CSF2RA: variants seen among roughly 807,000 people sequenced by gnomAD.
CSF2RA encodes granulocyte-macrophage colony-stimulating factor receptor subunit alpha.
Under a neutral mutation model 51.6 loss-of-function variants are expected in CSF2RA, and 42 were observed. The observed-to-expected ratio is 0.81, with a 90% confidence interval of 0.64 to 1.05. CSF2RA has a LOEUF of 1.05. Among genes scored for constraint, CSF2RA ranks in the 50% least tolerant of loss-of-function variants. CSF2RA has a pLI of 0.00. For synonymous variants in CSF2RA, 222 were observed against 193.0 expected (o/e 1.15, Z -1.24); for missense variants, 530 against 501.1 (o/e 1.06, Z -0.55).
In CSF2RA at chrX:1,305,509, C is replaced by A. The variant is rs2083467700; in HGVS notation, c.1107C>A (p.Asn369Lys). 3 of 1,613,896 alleles carry A rather than the reference C, an allele frequency of 1.9e-6. No individual in the cohort carries two copies. Among genetic ancestry groups the A allele is most frequent in the Middle Eastern group, 1.7e-4 (1 of 6,056 alleles). ...AGATCAAAGACAAACTGAATGATAA[C>A]CATGAGGTGGAAGACGAGGTAGGCA... The part of the protein sequence containing the change: ...VPQIKDKLND[N>K]HEVEDEIIWE... Residue 369 changes from asparagine to lysine, a missense_variant, in exon 12 of 13, where the codon AAC (asparagine) becomes AAA (lysine). Coordinates refer to ENST00000381529, the MANE Select transcript of CSF2RA (RefSeq NM_172245.4).
chrX:1,285,375 C>T (rs1229878492), intron 3 of CSF2RA, among the ~76,000 whole-genome samples: 1 of 152,020 alleles, frequency 6.6e-6, no homozygotes, highest in Non-Finnish European at 1.5e-5. Flanking sequence ...CTGAACTTCA[C>T]CTCCCAGAGC....
At chrX:1,299,857 G>A (rs1174942997) in intron 9 of CSF2RA, among the ~76,000 whole-genome samples, 36 of 152,092 alleles carry the variant, frequency 2.4e-4, no homozygotes, top group Admixed American at 9.8e-4. Flanking sequence ...AGCGGAGGTT[G>A]CGGTGAGCCC....
chrX:1,314,328 C>T (rs1210303409), downstream of CSF2RA, among the ~76,000 whole-genome samples: 71 of 134,266 alleles, frequency 5.3e-4, no homozygotes, highest in Middle Eastern at 3.9e-3. Flanking sequence ...CACACTGCAC[C>T]TGCCCAACCC....
chrX:1,313,146 C>T (rs1229050850), downstream of CSF2RA, among the ~76,000 whole-genome samples: 11 of 152,030 alleles, frequency 7.2e-5, no homozygotes, highest in East Asian at 3.9e-4. Context: ...CAGCAGAGGC[C>T]GGGCGTGGTA....
chrX:1,301,849 G>A (rs1238268704), intron 10 of CSF2RA, among the ~76,000 whole-genome samples: 22 of 146,754 alleles, frequency 1.5e-4, no homozygotes, highest in African/African-American at 4.8e-4. Flanking sequence ...CTCGTGATCC[G>A]CCCACCTCGG....
the CSF2RA span, among the ~76,000 whole-genome samples, chrX:1,317,568 A>AT: frequency 8.2e-3 from 863 of 105,252 alleles, 10 homozygotes; most frequent in Non-Finnish European, 0.012. Context: ...TTTTTATTTT[A>AT]TTTTATTTTT....
downstream of CSF2RA, among the ~76,000 whole-genome samples, chrX:1,313,687 G>A (rs1320103009): frequency 6.6e-6 from 1 of 151,884 alleles, no homozygotes; most frequent in Non-Finnish European, 1.5e-5. Context: ...ACTCCAATCT[G>A]GGTGACAGAG....
At chrX:1,301,946 C>A (rs1480405450) in intron 10 of CSF2RA, among the ~76,000 whole-genome samples, 1 of 127,552 alleles carries the variant, frequency 7.8e-6, no homozygotes, top group Non-Finnish European at 1.6e-5. Context: ...GATGGCGTTT[C>A]GCTCTTGTTG....
At chrX:1,275,848 ACGC>A (rs2089122625) in intron 2 of CSF2RA, among the ~76,000 whole-genome samples, 2 of 151,908 alleles carry the variant, frequency 1.3e-5, no homozygotes, top group Admixed American at 1.3e-4. Flanking sequence ...ACCCGCCACC[ACGC>A]CCGGCCAATT....
intron 1 of CSF2RA, among the ~76,000 whole-genome samples, chrX:1,269,679 G>A (rs1269962952): frequency 6.6e-6 from 1 of 151,792 alleles, no homozygotes; most frequent in Non-Finnish European, 1.5e-5. Context: ...GAGCTGAAAG[G>A]GGGAGGGAGT....
chrX:1,289,398 G>A (rs1306173817), intron 6 of CSF2RA, among the ~76,000 whole-genome samples: 2 of 152,174 alleles, frequency 1.3e-5, no homozygotes, highest in African/African-American at 2.4e-5. Flanking sequence ...CAAAGTGCTG[G>A]GATTACAGGC....
At chrX:1,297,635 A>G (rs1201778482) in intron 9 of CSF2RA, among the ~76,000 whole-genome samples, 2 of 53,802 alleles carry the variant, frequency 3.7e-5, no homozygotes, top group African/African-American at 7.7e-5. Flanking sequence ...CGACCCCTAC[A>G]GTCTCCTACT....
chrX:1,288,269 GTCAGGAGT>G, intron 4 of CSF2RA, among the ~76,000 whole-genome samples: 1 of 148,688 alleles, frequency 6.7e-6, no homozygotes, highest in Non-Finnish European at 1.5e-5. Context: ...ATCACCTGAG[GTCAGGAGT>G]TTGAGACCAG....
At chrX:1,308,483 T>A (rs2083901251) in intron 12 of CSF2RA, among the ~76,000 whole-genome samples, 1 of 151,952 alleles carries the variant, frequency 6.6e-6, no homozygotes, top group South Asian at 2.1e-4. Flanking sequence ...GAGACTTGCG[T>A]GACCCACATC....
intron 2 of CSF2RA, among the ~76,000 whole-genome samples, chrX:1,280,089 C>G (rs1311563355): frequency 6.6e-6 from 1 of 151,994 alleles, no homozygotes; most frequent in Admixed American, 6.6e-5. Context: ...TGTGCCCGGC[C>G]GAGAGACGCA....
chrX:1,324,648 C>T, the CSF2RA span, among the ~76,000 whole-genome samples: 1 of 152,062 alleles, frequency 6.6e-6, no homozygotes, highest in Non-Finnish European at 1.5e-5. Flanking sequence ...GACATAAGTG[C>T]TTTGGCCCCA....
chrX:1,306,272 G>A (rs2083558031), intron 12 of CSF2RA, among the ~76,000 whole-genome samples: 1 of 151,942 alleles, frequency 6.6e-6, no homozygotes, highest in Non-Finnish European at 1.5e-5. Flanking sequence ...AACAGAGAGA[G>A]GGAGGGAGAA....
the CSF2RA span, among the ~76,000 whole-genome samples, chrX:1,319,532 C>T: frequency 6.7e-6 from 1 of 149,736 alleles, no homozygotes; most frequent in Admixed American, 6.7e-5. Context: ...AAGCGATCCA[C>T]CCTCCTCGGC....
intron 6 of CSF2RA, 82 bp from the exon 7 acceptor site, chrX:1,290,255 G>T: frequency 2.6e-6 from 3 of 1,137,702 alleles, no homozygotes; most frequent in Non-Finnish European, 3.9e-6. Flanking sequence ...GTTTTGTTTT[G>T]TGTTTGTTTT....
Sources: gnomAD v4.1 joint callset for allele counts (sites outside exome capture counted in the v4.1 genomes callset) on GRCh38, gnomAD v4.1.1 for gene constraint, MANE v1.5 for transcripts, NCBI Gene and HGNC (gene_info 2026-07-23, HGNC 2026-07-21) for gene names.